The following KNG1 variants were observed in gnomAD, a reference collection of about 807,000 sequenced individuals.
KNG1 encodes the protein kininogen 1.
In KNG1, 23 loss-of-function variants were observed where a neutral mutation model predicts 47.8. The ratio of observed to expected loss-of-function variants is 0.48; its 90% confidence interval spans 0.35 to 0.68. KNG1 has a LOEUF of 0.68. Among genes scored for constraint, KNG1 ranks in the 30% least tolerant of loss-of-function variants. The pLI, the probability that KNG1 is intolerant of heterozygous loss-of-function variation, is 0.01. For missense variants in KNG1, 762 were observed against 790.2 expected (o/e 0.96, Z 0.43); for synonymous variants, 277 against 277.0 (o/e 1.00, Z 0.00).
At chr3:186,720,306 G>T in intron 2 of KNG1, 91 bp downstream of exon 2, 1 of 797,434 alleles carries the variant, frequency 1.3e-6, no homozygotes, top group Non-Finnish European at 2.2e-6. Flanking sequence ...CTACTGGTGA[G>T]CCTGTTTATG....
Position 186,717,677 on chromosome 3 carries a change from C to T in KNG1, c.135C>T (p.Asn45=), listed in dbSNP as rs767139142. 1.9e-6 allele frequency: 3 copies of T among 1,613,070 alleles called. No homozygotes were observed. Among genetic ancestry groups the T allele is most frequent in the Non-Finnish European group, 2.5e-6 (3 of 1,179,784 alleles). The change falls in exon 1 of 10, where the codon AAC becomes AAT. Residue 45 remains asparagine (N), a synonymous_variant. Transcript: ENST00000644859. The part of the protein sequence containing the change: ...KAVDAALKKY[N]SQNQSNNQFV... ...TGGATGCTGCTCTGAAGAAATATAA[C>T]AGTCAAAACCAAAGTAACAACCAGT...
Position 186,725,071 on chromosome 3 carries a change from G to C in KNG1, c.392-17G>C, listed in dbSNP as rs1359732613. ...TTGCGATCATTAATGCTGTGTTTTT[G>C]TCTGCTCTTTGTTAAGCCGAGGGCC... On this transcript the variant is annotated splice_polypyrimidine_tract_variant and intron_variant, in intron 3 of 9. Transcript: ENST00000644859. 1.2e-6 allele frequency: 2 copies of C among 1,613,568 alleles called. No homozygotes were observed. Among genetic ancestry groups the C allele is most frequent in the Admixed American group, 3.3e-5 (2 of 59,958 alleles).
chr3:186,724,449 G>A (rs1312913866), intron 3 of KNG1, among the ~76,000 whole-genome samples: 3 of 152,144 alleles, frequency 2.0e-5, no homozygotes, highest in Non-Finnish European at 4.4e-5. Context: ...TTCTAACTGG[G>A]GTAAGATGAT....
rs5029983 is a variant in KNG1 at position 186,720,746 on chromosome 3, C to G, written c.306+531C>G. Reference sequence around the variant, plus strand: ...ATGGCTATCTTAACCAAATGCCTAACATATAGGCCTGGCACACCATAGCTG... The same window carrying G: ...ATGGCTATCTTAACCAAATGCCTAAGATATAGGCCTGGCACACCATAGCTG... On this transcript the variant is annotated intron_variant, in intron 2 of 9. Coordinates refer to ENST00000644859, the MANE Select transcript of KNG1 (RefSeq NM_001102416.3). 2.8e-3 allele frequency: 424 copies of G among 153,954 alleles called. 1 individual carries two copies. Among genetic ancestry groups the G allele is most frequent in the African/African-American group, 9.9e-3 (395 of 39,830 alleles). The allele number at this position is 153,954 out of a possible 1,614,324, so 9.5% of individuals were successfully genotyped here. A position where few individuals can be genotyped will look rare whatever the true frequency, so the allele number is the denominator to read the frequency against.
chr3:186,737,301 C>T (rs1579128223), intron 7 of KNG1, among the ~76,000 whole-genome samples: 1 of 152,004 alleles, frequency 6.6e-6, no homozygotes, highest in South Asian at 2.1e-4. Context: ...CTGCTCATGG[C>T]TTTTGTCCAT....
At chr3:186,726,180 C>T (rs924770039) in intron 4 of KNG1, among the ~76,000 whole-genome samples, 1 of 152,080 alleles carries the variant, frequency 6.6e-6, no homozygotes, top group Non-Finnish European at 1.5e-5. Flanking sequence ...GTCATCCTCC[C>T]ACCTCGGCCT....
intron 7 of KNG1, 119 bp from the exon 8 acceptor site, chr3:186,738,980 T>C (rs903558022): frequency 3.9e-5 from 32 of 828,022 alleles, no homozygotes; most frequent in Middle Eastern, 5.8e-4. Flanking sequence ...CTTTTTTGTA[T>C]GTAACTCTCT....
chr3:186,735,360 G>C (rs183347475), intron 7 of KNG1, among the ~76,000 whole-genome samples: 30 of 152,260 alleles, frequency 2.0e-4, no homozygotes, highest in Admixed American at 2.0e-3. Context: ...GCTCATGCCT[G>C]TAATCCCAGC....
intron 4 of KNG1, among the ~76,000 whole-genome samples, chr3:186,725,543 ATT>A (rs71167003): frequency 1.3e-4 from 11 of 87,702 alleles, no homozygotes; most frequent in Middle Eastern, 9.4e-3. Context: ...CGGCCTTAGG[ATT>A]TTTTTTTTTT....
chr3:186,730,744 A>G (rs936705530), intron 5 of KNG1, among the ~76,000 whole-genome samples: 2 of 114,360 alleles, frequency 1.7e-5, no homozygotes, highest in African/African-American at 5.7e-5. Context: ...ATATATACAC[A>G]TATATATATA....
intron 4 of KNG1, among the ~76,000 whole-genome samples, chr3:186,725,511 CAG>C (rs1560063406): frequency 7.1e-6 from 1 of 140,710 alleles, no homozygotes; most frequent in African/African-American, 2.7e-5. Context: ...TTCCTAGAGA[CAG>C]TGAAAAGGAA....
chr3:186,744,202 C>G lies in KNG1; in HGVS notation c.*1871C>G, dbSNP rs935461557. ...CTTCCTCTTTCTCCAGATTTCCAAG[C>G]CTTAGCTAAGAGTAATTTGGCTTGT... is the stretch of plus-strand genomic sequence containing the variant. On this transcript the variant is annotated 3_prime_UTR_variant, in exon 10 of 10. Transcript: ENST00000644859. 1 of 213,790 alleles carries G rather than the reference C, an allele frequency of 4.7e-6. No individual in the cohort carries two copies. Among genetic ancestry groups the G allele is most frequent in the African/African-American group, 2.3e-5 (1 of 44,198 alleles). The allele number at this position is 213,790 out of a possible 1,614,324, so 13.2% of individuals were successfully genotyped here. A position where few individuals can be genotyped will look rare whatever the true frequency, so the allele number is the denominator to read the frequency against.
intron 7 of KNG1, among the ~76,000 whole-genome samples, chr3:186,737,700 A>G (rs1050316667): frequency 1.3e-5 from 2 of 151,530 alleles, no homozygotes; most frequent in African/African-American, 4.9e-5. Context: ...GGGATTAGAG[A>G]TGCTTGCAAC....
At chr3:186,739,248 A>G (rs959302053) in intron 8 of KNG1, 42 bp downstream of exon 8, 1 of 1,587,252 alleles carries the variant, frequency 6.3e-7, no homozygotes, top group Non-Finnish European at 8.7e-7. Flanking sequence ...CTGGAAGCCT[A>G]TTTGATGTTT....
At chr3:186,725,562 T>TTTTTTTTTTTTTTTTTTTTG (rs1720339476) in intron 4 of KNG1, among the ~76,000 whole-genome samples, 1 of 142,732 alleles carries the variant, frequency 7.0e-6, no homozygotes, top group Admixed American at 7.1e-5. Context: ...TTTTTTTTTT[T>TTTTTTTTTTTTTTTTTTTTG]GAGACAGAGT....
In KNG1 at chr3:186,717,567, C is replaced by G; in HGVS notation, c.25C>G (p.Leu9Val). 1 of 1,612,040 alleles carries G rather than the reference C, an allele frequency of 6.2e-7. No individual in the cohort carries two copies. Among genetic ancestry groups the G allele is most frequent in the East Asian group, 2.2e-5 (1 of 44,878 alleles). Residue 9 changes from leucine to valine, a missense_variant, in exon 1 of 10, where the codon CTC becomes GTC. Transcript: ENST00000644859. MKLITILF[L>V]CSRLLLSLTQ... ...CATGAAACTAATTACCATCCTTTTC[C>G]TCTGCTCCAGGCTGCTACTAAGTTT... is the stretch of plus-strand genomic sequence containing the variant.
chr3:186,719,701 C>A (rs1720130640), intron 1 of KNG1, among the ~76,000 whole-genome samples: 2 of 149,312 alleles, frequency 1.3e-5, no homozygotes, highest in Non-Finnish European at 3.0e-5. Context: ...TGCACTCCAG[C>A]CTGGGCGACA....
chr3:186,740,493 C>T (rs142746026), intron 9 of KNG1, among the ~76,000 whole-genome samples: 69 of 152,302 alleles, frequency 4.5e-4, no homozygotes, highest in African/African-American at 1.5e-3. Context: ...AGGGTCTGGC[C>T]GGACTCCAAT....
At chr3:186,736,493 C>A (rs1443258337) in intron 7 of KNG1, 1 of 152,158 alleles carries the variant, frequency 6.6e-6, no homozygotes, top group Non-Finnish European at 1.5e-5. Flanking sequence ...CTTCCATTTT[C>A]ACACATTAGT....
Sources: allele counts gnomAD v4.1 joint callset (sites outside exome capture counted in the v4.1 genomes callset), GRCh38; gene constraint gnomAD v4.1.1; transcripts MANE v1.5; gene names NCBI Gene and HGNC (gene_info 2026-07-23, HGNC 2026-07-21).